The following FAAH2 variants were observed in gnomAD, a reference collection of about 807,000 sequenced individuals.
The protein encoded by FAAH2 is fatty acid amide hydrolase 2.
FAAH2 carries 60 observed loss-of-function variants against 36.9 expected under a neutral mutation model. The ratio of observed to expected loss-of-function variants is 1.63; its 90% CI spans 1.32 to 2.02. The LOEUF is 2.02. Ranked by LOEUF, FAAH2 falls within the 30% of genes most tolerant of loss-of-function variation. The probability of loss-of-function intolerance (pLI) is 0.00; values close to 1 mark genes in which losing one functional copy is unlikely to be tolerated. For missense variants in FAAH2, 689 were observed against 397.5 expected (o/e 1.73, Z -6.23); for synonymous variants, 214 against 143.8 (o/e 1.49, Z -3.49).
the FAAH2 span, among the ~76,000 whole-genome samples, chrX:57,127,875 G>A: frequency 1.8e-5 from 2 of 111,416 alleles, no homozygotes; most frequent in Non-Finnish European, 3.8e-5. Flanking sequence ...ATAGGAATTT[G>A]GAAGTCCTTC....
At chrX:57,132,490 C>T in the FAAH2 span, among the ~76,000 whole-genome samples, 1 of 112,104 alleles carries the variant, frequency 8.9e-6, no homozygotes, top group South Asian at 3.8e-4. Flanking sequence ...GACCAGAAAA[C>T]GTGGTGTAGT....
At chrX:57,456,407 C>A (rs1464547072) in intron 10 of FAAH2, among the ~76,000 whole-genome samples, 7 of 111,237 alleles carry the variant, frequency 6.3e-5, no homozygotes, top group Non-Finnish European at 9.4e-5. Flanking sequence ...GAACATCCAA[C>A]TCCGAATAAA....
intron 7 of FAAH2, among the ~76,000 whole-genome samples, chrX:57,412,943 G>T (rs1327288397): frequency 1.8e-5 from 2 of 112,405 alleles, no homozygotes; most frequent in African/African-American, 6.5e-5. Flanking sequence ...GTATCTCATT[G>T]TGGTTTTGAT....
Position 57,467,211 on chromosome X carries a change from A to G in FAAH2, c.1423+18493A>G, listed in dbSNP as rs2057066474. On this transcript the variant is annotated intron_variant, in intron 10 of 10. Transcript: ENST00000374900. ...TGGGTGACTTCTGCATTTCCAACTG[A>G]GGTACCAGATGCATCTCACTGGGGA... Among the ~76,000 whole-genome samples, 5 of 111,325 alleles carry G rather than the reference A, an allele frequency of 4.5e-5. No individual in the cohort carries two copies. In the Admixed American group the frequency reaches 4.8e-4, roughly 11 times the overall value.
At chrX:57,149,408 G>A in the FAAH2 span, among the ~76,000 whole-genome samples, 1 of 111,624 alleles carries the variant, frequency 9.0e-6, no homozygotes, top group Admixed American at 9.5e-5. Context: ...TGGTTGGTAA[G>A]CTATTGATTA....
At chrX:57,478,567 C>T (rs1376125565) in intron 10 of FAAH2, among the ~76,000 whole-genome samples, 1 of 111,707 alleles carries the variant, frequency 9.0e-6, no homozygotes, top group Non-Finnish European at 1.9e-5. Context: ...TTGCACATGC[C>T]TATGTCCTGA....
rs769027792 is a variant in FAAH2 at position 57,310,683 on chromosome X, C to T, written c.366C>T (p.Pro122=). The T allele has an allele frequency of 9.9e-6, 12 of 1,209,532 alleles. No homozygotes were observed. The highest frequency in any genetic ancestry group is 3.5e-5 in the South Asian group (2 of 56,455). Residue 122 remains proline, a synonymous_variant, in exon 3 of 11, where the codon CCC becomes CCT. Transcript: ENST00000374900. The part of the protein sequence containing the change: ...EDEATLENKW[P]FLGVPLTVKE... ...AAGCCACCCTGGAAAATAAATGGCC[C>T]TTCCTTGGGGTTCCTTTGACAGTCA...
intron 10 of FAAH2, among the ~76,000 whole-genome samples, chrX:57,453,328 A>G (rs2056816396): frequency 8.9e-6 from 1 of 112,747 alleles, no homozygotes; most frequent in Non-Finnish European, 1.9e-5. Flanking sequence ...CATACAAGTA[A>G]AAAAGGAAAA....
At chrX:57,191,329 T>A in the FAAH2 span, among the ~76,000 whole-genome samples, 1 of 111,783 alleles carries the variant, frequency 8.9e-6, no homozygotes, top group Admixed American at 9.5e-5. Context: ...CATTTAAAAA[T>A]TATATTATTA....
intron 7 of FAAH2, 147 bp from the exon 8 acceptor site, chrX:57,431,771 G>GTTTTTTTTTTTTTTTTTTTTTTTTTTTTT (rs1218617071): frequency 1.5e-5 from 3 of 202,012 alleles, no homozygotes; most frequent in Admixed American, 2.4e-4. Context: ...TTGTTTTTTT[G>GTTTTTTTTTTTTTTTTTTTTTTTTTTTTT]TTTTTTTGTT....
chrX:57,310,875 G>A (rs1278145457), intron 3 of FAAH2, 146 bp downstream of exon 3: 1 of 612,369 alleles, frequency 1.6e-6, no homozygotes, highest in South Asian at 4.0e-5. Context: ...TATTCAGCAA[G>A]TTCCATTGGG....
At chrX:57,218,575 T>C in the FAAH2 span, among the ~76,000 whole-genome samples, 2 of 112,060 alleles carry the variant, frequency 1.8e-5, no homozygotes, top group African/African-American at 6.5e-5. Flanking sequence ...GATTACCTTT[T>C]AGATATGTTG....
the FAAH2 span, among the ~76,000 whole-genome samples, chrX:57,271,589 C>T: frequency 1.8e-5 from 2 of 112,206 alleles, no homozygotes; most frequent in African/African-American, 6.5e-5. Context: ...ATCTTTGCTG[C>T]TCTGCAGCCT....
the FAAH2 span, among the ~76,000 whole-genome samples, chrX:57,139,098 C>T: frequency 1.3e-4 from 15 of 112,359 alleles, no homozygotes; most frequent in South Asian, 5.2e-3. Context: ...TTTGCCTGTG[C>T]TTTGAGGTCT....
At chrX:57,148,821 C>T in the FAAH2 span, among the ~76,000 whole-genome samples, 4 of 111,564 alleles carry the variant, frequency 3.6e-5, no homozygotes, top group Non-Finnish European at 5.6e-5. Context: ...TGAGAGAGGG[C>T]ATCCCTGTCT....
At chrX:57,160,299 C>CT in the FAAH2 span, among the ~76,000 whole-genome samples, 51 of 111,150 alleles carry the variant, frequency 4.6e-4, no homozygotes, top group South Asian at 7.6e-3. Flanking sequence ...CTAAAATTAT[C>CT]TTTTTTGTTG....
At chrX:57,423,760 C>T (rs1234653800) in intron 7 of FAAH2, among the ~76,000 whole-genome samples, 2 of 111,245 alleles carry the variant, frequency 1.8e-5, no homozygotes, top group East Asian at 5.7e-4. Context: ...AGCCCAGTCC[C>T]ACTCAGCTTT....
intron 10 of FAAH2, among the ~76,000 whole-genome samples, chrX:57,458,446 T>C (rs1399748761): frequency 9.1e-6 from 1 of 110,260 alleles, no homozygotes; most frequent in African/African-American, 3.3e-5. Flanking sequence ...TGAATCGAGA[T>C]GGCACCACTG....
At chrX:57,227,837 G>T in the FAAH2 span, among the ~76,000 whole-genome samples, 3 of 111,533 alleles carry the variant, frequency 2.7e-5, no homozygotes, top group East Asian at 8.5e-4. Context: ...GTGGTGGATG[G>T]GGGTGAGACT....
Sources: allele counts gnomAD v4.1 joint callset (sites outside exome capture counted in the v4.1 genomes callset), GRCh38; gene constraint gnomAD v4.1.1; transcripts MANE v1.5; gene names NCBI Gene and HGNC (gene_info 2026-07-23, HGNC 2026-07-21).